The following PIGN variants were observed in gnomAD, a reference collection of about 807,000 sequenced individuals.
The protein encoded by PIGN is phosphatidylinositol glycan anchor biosynthesis class N, also known as GPI ethanolamine phosphate transferase 1.
Under a neutral mutation model 125.4 loss-of-function variants are expected in PIGN, and 117 were observed. The observed-to-expected ratio is 0.93, with a 90% CI of 0.80 to 1.09. The LOEUF is 1.09. Ranked by LOEUF, PIGN falls within the 50% of genes least tolerant of loss-of-function variation. The pLI is 0.00. For missense variants in PIGN, 1,075 were observed against 1,094.9 expected, an observed-to-expected ratio of 0.98 and a Z score of 0.26; for synonymous variants, 392 against 377.8, an observed-to-expected ratio of 1.04 and a Z score of -0.44.
At chr18:62,109,084 G>C (rs1392208378) in intron 17 of PIGN, among the ~76,000 whole-genome samples, 1 of 152,046 alleles carries the variant, frequency 6.6e-6, no homozygotes, top group Non-Finnish European at 1.5e-5. Context: ...AAAATACTTT[G>C]ATATCCATGA....
chr18:62,111,652 T>C (rs925442273), intron 16 of PIGN, among the ~76,000 whole-genome samples: 1 of 152,184 alleles, frequency 6.6e-6, no homozygotes, highest in Non-Finnish European at 1.5e-5. Flanking sequence ...TTTATTTCTT[T>C]GTATAGCCTA....
chr18:62,049,571 T>C (rs2031075080), intron 30 of PIGN, among the ~76,000 whole-genome samples: 1 of 150,972 alleles, frequency 6.6e-6, no homozygotes, highest in Non-Finnish European at 1.5e-5. Flanking sequence ...GTAAATTTGT[T>C]TGAGTTCATT....
chr18:62,158,291 CAGAGG>C (rs1278278896), intron 4 of PIGN, among the ~76,000 whole-genome samples: 3 of 151,950 alleles, frequency 2.0e-5, no homozygotes, highest in Non-Finnish European at 4.4e-5. Flanking sequence ...GTGCAGGTGG[CAGAGG>C]GGCCAGGAGA....
intron 14 of PIGN, chr18:62,135,619 C>CTTTTTTTTTTTTTTTTTTTTTTTTT (rs72454339): frequency 1.2e-4 from 8 of 68,680 alleles, no homozygotes; most frequent in Non-Finnish European, 1.5e-4. Flanking sequence ...TTTTCTTTGT[C>CTTTTTTTTTTTTTTTTTTTTTTTTT]TTTTTTTTTT....
chr18:62,080,206 A>T (rs985983908), intron 28 of PIGN, among the ~76,000 whole-genome samples: 1 of 152,152 alleles, frequency 6.6e-6, no homozygotes, highest in Non-Finnish European at 1.5e-5. Flanking sequence ...GTATTTAATC[A>T]AACACAGAAC....
chr18:62,148,151 A>G, intron 8 of PIGN, 63 bp downstream of exon 8: 1 of 1,299,688 alleles, frequency 7.7e-7, no homozygotes, highest in Non-Finnish European at 1.0e-6. Flanking sequence ...AAACTTTATA[A>G]TAAAAAGTTC....
At chr18:62,142,866 T>G (rs2036187369) in intron 11 of PIGN, among the ~76,000 whole-genome samples, 2 of 152,190 alleles carry the variant, frequency 1.3e-5, no homozygotes, top group African/African-American at 4.8e-5. Context: ...TCTCATCATT[T>G]TTTTCCCCAT....
At chr18:62,035,050 C>T (rs2030241334) in intron 23 of PIGN, among the ~76,000 whole-genome samples, 1 of 152,072 alleles carries the variant, frequency 6.6e-6, no homozygotes, top group Admixed American at 6.6e-5. Flanking sequence ...CTGTGCTGTT[C>T]TCATGATAGT....
At chr18:62,121,977 T>C (rs1246471110) in intron 14 of PIGN, among the ~76,000 whole-genome samples, 2 of 152,144 alleles carry the variant, frequency 1.3e-5, no homozygotes, top group African/African-American at 4.8e-5. Flanking sequence ...TGTACTAATT[T>C]ACATTCCCAC....
intron 7 of PIGN, chr18:62,153,948 A>T (rs1422538252): frequency 6.6e-6 from 1 of 152,204 alleles, no homozygotes; most frequent in Non-Finnish European, 1.5e-5. Context: ...AAGAGAGCCA[A>T]TGTCCACAAT....
chr18:62,091,739 A>G (rs565760756), intron 23 of PIGN, among the ~76,000 whole-genome samples: 1 of 152,274 alleles, frequency 6.6e-6, no homozygotes, highest in South Asian at 2.1e-4. Context: ...TCTGGGGTAA[A>G]TGTTCCACCT....
chr18:62,184,646 A>C lies in PIGN; in HGVS notation c.-236+2198T>G, dbSNP rs2037833659. 4 of 152,240 alleles carry C rather than the reference A, an allele frequency of 2.6e-5. No individual in the cohort carries two copies. The South Asian group carries it at 8.3e-4, about 32-fold the overall frequency. The allele number at this position is 152,240 out of a possible 1,614,324, so 9.4% of individuals were successfully genotyped here. ...ATTTGTATGGGAAGAATTCCTCTAC[A>C]TGCAAGTTCTTACAACTCTGAGGAA... On this transcript the variant is annotated intron_variant, in intron 1 of 30. Transcript: ENST00000640252.
chr18:62,062,056 A>T (rs2032182410), intron 30 of PIGN, among the ~76,000 whole-genome samples: 1 of 152,206 alleles, frequency 6.6e-6, no homozygotes, highest in Admixed American at 6.5e-5. Flanking sequence ...GCTATAGAGG[A>T]TACAAAGGAA....
At chr18:62,059,384 A>T (rs576992453) in intron 30 of PIGN, among the ~76,000 whole-genome samples, 1 of 152,214 alleles carries the variant, frequency 6.6e-6, no homozygotes, top group Non-Finnish European at 1.5e-5. Flanking sequence ...AAAAGCAACA[A>T]GGACCATAAA....
chr18:62,019,052 TA>T (rs1375840482), intron 23 of PIGN, among the ~76,000 whole-genome samples: 10 of 152,016 alleles, frequency 6.6e-5, no homozygotes, highest in African/African-American at 2.2e-4. Context: ...TACTGAAAAT[TA>T]AAAAACTTAG....
intron 7 of PIGN, among the ~76,000 whole-genome samples, chr18:62,149,898 T>C (rs2036467027): frequency 6.6e-6 from 1 of 152,170 alleles, no homozygotes; most frequent in African/African-American, 2.4e-5. Context: ...AAGTAAACTT[T>C]TAAGTTATTT....
intron 10 of PIGN, among the ~76,000 whole-genome samples, chr18:62,145,559 G>A (rs1203757257): frequency 6.6e-6 from 1 of 151,988 alleles, no homozygotes. Flanking sequence ...CTCAAAAACT[G>A]ATTATTTACC....
downstream of PIGN, among the ~76,000 whole-genome samples, chr18:62,037,499 T>C (rs1235141770): frequency 6.6e-6 from 1 of 152,254 alleles, no homozygotes; most frequent in Non-Finnish European, 1.5e-5. Context: ...CTAGTGAAGC[T>C]GGCCCTCCTG....
At chr18:62,047,590 C>G (rs895964119) in intron 30 of PIGN, among the ~76,000 whole-genome samples, 1 of 152,166 alleles carries the variant, frequency 6.6e-6, no homozygotes, top group Non-Finnish European at 1.5e-5. Flanking sequence ...CCCTGGCAGG[C>G]AGCAGTAAGG....
Sources: gnomAD v4.1 joint callset for allele counts (sites outside exome capture counted in the v4.1 genomes callset) on GRCh38, gnomAD v4.1.1 for gene constraint, MANE v1.5 for transcripts, NCBI Gene and HGNC (gene_info 2026-07-23, HGNC 2026-07-21) for gene names.